The following RFX4 variants were observed in gnomAD, a reference collection of about 807,000 sequenced individuals.
The protein encoded by RFX4 is regulatory factor X4, also known as transcription factor RFX4.
A neutral mutation model predicts 95.0 loss-of-function variants in RFX4; 10 were observed. The observed-to-expected ratio is 0.11, with a 90% CI of 0.06 to 0.18. The LOEUF is 0.18. RFX4 is among the 10% of genes least tolerant of loss of function. The pLI is 1.00. For missense variants in RFX4, 640 were observed against 922.0 expected (o/e 0.69, Z 3.96); for synonymous variants, 321 against 340.7 (o/e 0.94, Z 0.64).
intron 1 of RFX4, among the ~76,000 whole-genome samples, chr12:106,597,325 T>C (rs982416772): frequency 1.3e-5 from 2 of 152,044 alleles, no homozygotes; most frequent in Non-Finnish European, 1.5e-5. Flanking sequence ...ACTTAGTCAA[T>C]TGTAAGGGGA....
intron 13 of RFX4, among the ~76,000 whole-genome samples, chr12:106,725,712 G>A (rs1331363910): frequency 1.3e-5 from 2 of 151,970 alleles, no homozygotes; most frequent in African/African-American, 4.8e-5. Context: ...GAGACAAAAC[G>A]TTAAATGGAA....
At chr12:106,632,570 A>G (rs1032622839) in intron 2 of RFX4, among the ~76,000 whole-genome samples, 1 of 152,228 alleles carries the variant, frequency 6.6e-6, no homozygotes, top group Admixed American at 6.5e-5. Flanking sequence ...CAGATGCCCA[A>G]GCCAGGCTCA....
Position 106,711,482 on chromosome 12 carries a change from C to G in RFX4, c.964C>G (p.Arg322Gly), listed in dbSNP as rs76703390. The change falls in exon 10 of 18, where the codon CGG becomes GGG. Residue 322 changes from arginine to glycine, a missense_variant. By Grantham distance (125) the Arg-to-Gly change is moderately radical. This residue lies in a region of RFX4 where 96 missense variants were observed against 183.7 expected (regional missense o/e 0.52). Transcript: ENST00000392842. ...GAGAAGGTTCTCCCAAATTCTGAGA[C>G]GGCAAACATCACTAAATCATCTCTG... ...LSRRFSQILR[R>G]QTSLNHLCQA... 6.2e-7 allele frequency: 1 copy of G among 1,614,048 alleles called. No individual in the cohort carries two copies. The highest frequency in any genetic ancestry group is 1.7e-5 in the Admixed American group (1 of 60,028).
At chr12:106,712,133 T>G (rs2042202724) in intron 10 of RFX4, among the ~76,000 whole-genome samples, 1 of 152,262 alleles carries the variant, frequency 6.6e-6, no homozygotes, top group Non-Finnish European at 1.5e-5. Flanking sequence ...TTAATGACCT[T>G]AAAGCAGAGG....
intron 13 of RFX4, among the ~76,000 whole-genome samples, chr12:106,731,667 T>C (rs2042612904): frequency 6.6e-6 from 1 of 152,234 alleles, no homozygotes; most frequent in Admixed American, 6.5e-5. Context: ...GGTACATTAG[T>C]AGATAGCAAT....
At chr12:106,749,504 T>G (rs1181377343) in intron 16 of RFX4, among the ~76,000 whole-genome samples, 1 of 152,126 alleles carries the variant, frequency 6.6e-6, no homozygotes, top group African/African-American at 2.4e-5. Flanking sequence ...CGGGCAACCA[T>G]TATTTTCTCA....
intron 4 of RFX4, among the ~76,000 whole-genome samples, chr12:106,662,748 G>T (rs113630854): frequency 7.2e-5 from 11 of 151,968 alleles, no homozygotes; most frequent in African/African-American, 1.9e-4. Context: ...TGGGTATAAG[G>T]TCTGTATCTA....
intron 11 of RFX4, among the ~76,000 whole-genome samples, chr12:106,717,110 G>C (rs1447413927): frequency 6.6e-6 from 1 of 151,834 alleles, no homozygotes; most frequent in Non-Finnish European, 1.5e-5. Flanking sequence ...GTCCCCTGAT[G>C]GAAAGTCAAC....
intron 17 of RFX4, among the ~76,000 whole-genome samples, chr12:106,752,713 G>T (rs534611008): frequency 6.6e-6 from 1 of 152,244 alleles, no homozygotes; most frequent in African/African-American, 2.4e-5. Context: ...TCCTGAAATG[G>T]ATCCCTTTTC....
In RFX4 at chr12:106,583,291, G is replaced by C; in HGVS notation, c.-30G>C. The stretch of plus-strand genomic sequence containing the variant: ...GGATCCCCAAACATCAGGACTTTTG[G>C]GGGGCGCCTGTGCTGTCCATGGGAA... On this transcript the variant is annotated 5_prime_UTR_variant, in exon 1 of 18. Coordinates refer to ENST00000392842, the MANE Select transcript of RFX4 (RefSeq NM_213594.3). The C allele has an allele frequency of 1.3e-6, 2 of 1,563,696 alleles. No homozygotes were observed. Among genetic ancestry groups the C allele is most frequent in the East Asian group, 2.5e-5 (1 of 40,758 alleles).
At chr12:106,599,073 G>T (rs2137178572) in intron 1 of RFX4, among the ~76,000 whole-genome samples, 1 of 152,138 alleles carries the variant, frequency 6.6e-6, no homozygotes, top group East Asian at 1.9e-4. Context: ...GAACACCTTA[G>T]GTTGAATTTT....
intron 1 of RFX4, chr12:106,601,302 G>A (rs1232902731): frequency 1.3e-6 from 2 of 1,595,406 alleles, no homozygotes; most frequent in Non-Finnish European, 1.7e-6. Context: ...GCCCACCCTG[G>A]TGCGGGAGGC....
At chr12:106,706,089 A>G (rs957689089) in intron 8 of RFX4, among the ~76,000 whole-genome samples, 25 of 152,200 alleles carry the variant, frequency 1.6e-4, no homozygotes. Context: ...ATCTAGTCTG[A>G]GATTAGCTAA....
At chr12:106,598,909 G>GT (rs2039659322) in intron 1 of RFX4, among the ~76,000 whole-genome samples, 1 of 152,194 alleles carries the variant, frequency 6.6e-6, no homozygotes, top group Admixed American at 6.5e-5. Context: ...ACATTAAGTA[G>GT]TAGTAGGTAC....
At chr12:106,730,609 C>T (rs900854199) in intron 13 of RFX4, among the ~76,000 whole-genome samples, 1 of 152,016 alleles carries the variant, frequency 6.6e-6, no homozygotes, top group African/African-American at 2.4e-5. Context: ...AGAGTAAACA[C>T]TCAATAAACA....
At chr12:106,672,672 A>C (rs1460769777) in intron 4 of RFX4, among the ~76,000 whole-genome samples, 2 of 150,928 alleles carry the variant, frequency 1.3e-5, no homozygotes, top group Non-Finnish European at 2.9e-5. Context: ...CTCGAACTAA[A>C]TTGTGCTGGG....
intron 6 of RFX4, among the ~76,000 whole-genome samples, chr12:106,688,338 G>C (rs1056201173): frequency 2.0e-5 from 3 of 152,034 alleles, no homozygotes; most frequent in African/African-American, 4.8e-5. Context: ...AAAGTGCTGG[G>C]ATTACAGGTG....
chr12:106,655,533 G>C (rs1046147162), intron 4 of RFX4, among the ~76,000 whole-genome samples: 3 of 152,160 alleles, frequency 2.0e-5, no homozygotes, highest in African/African-American at 7.2e-5. Context: ...GGAGAAGGGA[G>C]AGCACACAAG....
intron 15 of RFX4, among the ~76,000 whole-genome samples, chr12:106,737,871 C>T (rs1249905349): frequency 6.6e-6 from 1 of 152,144 alleles, no homozygotes; most frequent in East Asian, 1.9e-4. Context: ...GCGCCTCAAA[C>T]TGTATTTTGT....
Sources: allele counts gnomAD v4.1 joint callset (sites outside exome capture counted in the v4.1 genomes callset), GRCh38; gene constraint gnomAD v4.1.1; regional missense constraint gnomAD v4.1.1; transcripts MANE v1.5; gene names NCBI Gene and HGNC (gene_info 2026-07-23, HGNC 2026-07-21).